The following MYCBP2 variants were observed in gnomAD, a reference collection of about 807,000 sequenced individuals.
MYCBP2 encodes MYC binding protein 2.
Under a neutral mutation model 525.3 loss-of-function variants are expected in MYCBP2, and 120 were observed. That is an observed-to-expected ratio of 0.23 (90% CI 0.20 to 0.27). MYCBP2 has a LOEUF of 0.27. MYCBP2 is among the 10% of genes least tolerant of loss of function. MYCBP2 has a pLI of 1.00. For missense variants in MYCBP2, 4,149 were observed against 5,657.1 expected, an observed-to-expected ratio of 0.73 and a Z score of 8.55; for synonymous variants, 1,894 against 1,955.8, an observed-to-expected ratio of 0.97 and a Z score of 0.83.
intron 62 of MYCBP2, among the ~76,000 whole-genome samples, chr13:77,086,260 A>T (rs1382175096): frequency 6.6e-6 from 1 of 152,152 alleles, no homozygotes; most frequent in Non-Finnish European, 1.5e-5. Flanking sequence ...ACCAACTGAC[A>T]GCCTTTTAAA....
chr13:77,153,064 CAAAAAAAA>C (rs34811244), intron 46 of MYCBP2, among the ~76,000 whole-genome samples: 2 of 78,922 alleles, frequency 2.5e-5, no homozygotes, highest in Admixed American at 1.3e-4. Context: ...GACTCTGTCT[CAAAAAAAA>C]AAAAAAAAAA....
intron 82 of MYCBP2, among the ~76,000 whole-genome samples, chr13:77,045,728 T>A (rs1274311658): frequency 6.6e-6 from 1 of 152,194 alleles, no homozygotes; most frequent in Admixed American, 6.5e-5. Flanking sequence ...ACTCACTATA[T>A]CCTGCCTAGA....
intron 1 of MYCBP2, among the ~76,000 whole-genome samples, chr13:77,320,792 T>C (rs2081503283): frequency 6.6e-6 from 1 of 152,152 alleles, no homozygotes; most frequent in African/African-American, 2.4e-5. Context: ...AATTTTCTAA[T>C]GAACACCTAA....
intron 39 of MYCBP2, 105 bp from the exon 40 acceptor site, chr13:77,168,751 A>G: frequency 1.0e-6 from 1 of 994,694 alleles, no homozygotes. Context: ...TTTCCATCTA[A>G]ATTTTCCACT....
At chr13:77,141,770 CAAAAAA>C (rs34124996) in intron 49 of MYCBP2, among the ~76,000 whole-genome samples, 1 of 81,710 alleles carries the variant, frequency 1.2e-5, no homozygotes. Context: ...GACTCTGTCT[CAAAAAA>C]AAAAAAAAAA....
intron 1 of MYCBP2, among the ~76,000 whole-genome samples, chr13:77,323,377 C>T (rs1330346413): frequency 6.6e-6 from 1 of 152,176 alleles, no homozygotes; most frequent in Non-Finnish European, 1.5e-5. Flanking sequence ...TGATAACTCA[C>T]TCATCATGTT....
chr13:77,269,655 AG>A (rs2074605948), intron 7 of MYCBP2, among the ~76,000 whole-genome samples: 1 of 152,088 alleles, frequency 6.6e-6, no homozygotes, highest in Non-Finnish European at 1.5e-5. Flanking sequence ...CTAATGATAA[AG>A]GTGGTCTTCA....
In MYCBP2 at chr13:77,165,230, A is replaced by T. The variant is rs1177277080; in HGVS notation, c.6459+43T>A. On this transcript the variant is annotated intron_variant, in intron 42 of 82. Transcript: ENST00000544440. ...AAGCACAACTCACTAGCCCTTAGAAACACAATCTTCCTTAAAAGAATGAAA... is the reference window on the plus strand; with the variant it reads ...AAGCACAACTCACTAGCCCTTAGAATCACAATCTTCCTTAAAAGAATGAAA... 4.0e-6 allele frequency: 6 copies of T among 1,507,860 alleles called. No homozygotes were observed. The East Asian group carries it at 1.4e-4, about 34-fold the overall frequency. 93.4% of individuals were successfully genotyped at this position (1,507,860 alleles called of 1,614,324 possible). A position where few individuals can be genotyped will look rare whatever the true frequency, so the allele number is the denominator to read the frequency against.
chr13:77,245,885 A>G (rs1038480231), intron 15 of MYCBP2, among the ~76,000 whole-genome samples: 2 of 150,174 alleles, frequency 1.3e-5, no homozygotes, highest in African/African-American at 5.0e-5. Flanking sequence ...CACACACACA[A>G]ACACATATAT....
At chr13:77,219,914 G>A (rs1487238683) in intron 20 of MYCBP2, among the ~76,000 whole-genome samples, 11 of 152,056 alleles carry the variant, frequency 7.2e-5, no homozygotes, top group South Asian at 2.1e-4. Flanking sequence ...GTATATTCTT[G>A]TATTTTTCAT....
rs1399874039 is a variant in MYCBP2 at position 77,055,751 on chromosome 13, A to G, written c.13454T>C (p.Ile4485Thr). The change falls in exon 80 of 83, where the codon ATA (isoleucine) becomes ACA (threonine). Residue 4485 changes from isoleucine to threonine, a missense_variant. Physicochemically the swap from Ile to Thr is moderately conservative, Grantham distance 89. Transcript: ENST00000544440. ...TGGATCAAGTAGGTCTTTTAGTACT[A>G]TGTGATTAATTTTGTTCTGCAATAA... ...CPICKNKINH[I>T]VLKDLLDPIK... 1 of 1,611,514 alleles carries G rather than the reference A, an allele frequency of 6.2e-7. No individual in the cohort carries two copies. Among genetic ancestry groups the G allele is most frequent in the Non-Finnish European group, 8.5e-7 (1 of 1,178,780 alleles).
chr13:77,097,420 C>T lies in MYCBP2; in HGVS notation c.9734G>A (p.Gly3245Glu). The change falls in exon 56 of 83, where the codon GGG (glycine) becomes GAG (glutamate). Residue 3245 changes from glycine to glutamate, a missense_variant. Physicochemically the swap from Gly to Glu is moderately conservative, Grantham distance 98. Coordinates refer to ENST00000544440, the MANE Select transcript of MYCBP2 (RefSeq NM_015057.5). ...PEKDTICELC[G>E]ESHPYPVTYH... The stretch of plus-strand genomic sequence containing the variant: ...GGTCACCGGGTATGGATGTGACTCC[C>T]CACACAGTTCACAGATGGTATCTTT... 6.2e-7 allele frequency: 1 copy of T among 1,613,372 alleles called. No individual in the cohort carries two copies.
At position 77,187,896 on chromosome 13, in the gene MYCBP2, C is replaced by A. The variant is rs1049865524; in HGVS notation, c.4251+1055G>T. ...CGAGACCACCACCAACATGGTGAAA[C>A]CCCCTCTCTACTAAAAATACAAAAA... On this transcript the variant is annotated intron_variant, in intron 30 of 82. Transcript: ENST00000544440. Among the ~76,000 whole-genome samples, 5 of 151,926 alleles carry A rather than the reference C, an allele frequency of 3.3e-5. No individual in the cohort carries two copies. The East Asian group carries it at 5.8e-4, about 18-fold the overall frequency.
In MYCBP2 at chr13:77,067,782, G is replaced by A. The variant is rs1490349218; in HGVS notation, c.12254C>T (p.Pro4085Leu). ...GTGAATGATATCACTGATATCTGCT[G>A]GGGGGAGGGATTTCACTCCTATGAT... ...ASIIGVKSLP[P>L]ADISDIIHST... Residue 4085 changes from proline to leucine, a missense_variant, in exon 71 of 83, where the codon CCA becomes CTA. By Grantham distance (98) the Pro-to-Leu change is moderately conservative. Coordinates refer to ENST00000544440, the MANE Select transcript of MYCBP2 (RefSeq NM_015057.5). The A allele has an allele frequency of 1.2e-5, 19 of 1,613,852 alleles. No individual in the cohort carries two copies. Among genetic ancestry groups the A allele is most frequent in the Non-Finnish European group, 1.5e-5 (18 of 1,179,874 alleles).
rs140488606 is a variant in MYCBP2 at position 77,117,303 on chromosome 13, T to C, written c.8140+4070A>G. Among the ~76,000 whole-genome samples the C allele has an allele frequency of 7.0e-4, 107 of 152,180 alleles. 1 individual carries two copies. Among genetic ancestry groups the C allele is most frequent in the East Asian group, 6.6e-3 (34 of 5,190 alleles). On this transcript the variant is annotated intron_variant, in intron 55 of 82. Coordinates refer to ENST00000544440, the MANE Select transcript of MYCBP2 (RefSeq NM_015057.5). ...AACATGATAAGCTAGAAATTGATAG[T>C]ACTTATATTTCCAAACTAATTAATT... is the stretch of plus-strand genomic sequence containing the variant.
chr13:77,062,674 T>G lies in MYCBP2; in HGVS notation c.12696A>C (p.Leu4232=). ...TTRLWLALAS[L]CVLDQDHVDR... ...CTACGTGGTCCTGATCAAGAACACA[T>G]AGGGATGCGAGAGCAAGCCAGAGCT... The change falls in exon 74 of 83, where the codon CTA becomes CTC. Residue 4232 remains leucine, a synonymous_variant. Coordinates refer to ENST00000544440, the MANE Select transcript of MYCBP2 (RefSeq NM_015057.5). The G allele has an allele frequency of 6.2e-7, 1 of 1,614,132 alleles. No individual in the cohort carries two copies. The highest frequency in any genetic ancestry group is 1.1e-5 in the South Asian group (1 of 91,086).
chr13:77,183,677 G>A (rs1595212056), intron 32 of MYCBP2, among the ~76,000 whole-genome samples: 1 of 142,500 alleles, frequency 7.0e-6, no homozygotes, highest in African/African-American at 2.6e-5. Flanking sequence ...TCAGCCTCCC[G>A]AGTAGCTGAG....
At chr13:77,132,895 G>A (rs78354543) in intron 52 of MYCBP2, among the ~76,000 whole-genome samples, 2,002 of 152,150 alleles carry the variant, frequency 0.013, 34 homozygotes, top group Admixed American at 0.046. Flanking sequence ...CTCACATTTT[G>A]CAGATTCCAC....
At chr13:77,197,425 T>C (rs555764320) in intron 26 of MYCBP2, among the ~76,000 whole-genome samples, 2 of 152,198 alleles carry the variant, frequency 1.3e-5, no homozygotes, top group African/African-American at 4.8e-5. Flanking sequence ...ATGGTACTAA[T>C]CATGAGAGAG....
Sources: gnomAD v4.1 joint callset for allele counts (sites outside exome capture counted in the v4.1 genomes callset) on GRCh38, gnomAD v4.1.1 for gene constraint, MANE v1.5 for transcripts, NCBI Gene and HGNC (gene_info 2026-07-23, HGNC 2026-07-21) for gene names.